RGS6: variants seen among roughly 807,000 people sequenced by gnomAD.
The protein encoded by RGS6 is regulator of G-protein signaling 6.
Under a neutral mutation model 78.5 loss-of-function variants are expected in RGS6, and 30 were observed. The observed-to-expected ratio is 0.38, with a 90% CI of 0.29 to 0.52. The LOEUF (loss-of-function observed/expected upper bound fraction) is 0.52, where lower values mean the gene tolerates loss of function less well. RGS6 is among the 20% of genes least tolerant of loss of function. RGS6 has a pLI of 0.85. For synonymous variants in RGS6, 206 were observed against 206.0 expected, an observed-to-expected ratio of 1.00 and a Z score of 0.00; for missense variants, 495 against 609.7, an observed-to-expected ratio of 0.81 and a Z score of 1.98.
intron 2 of RGS6, among the ~76,000 whole-genome samples, chr14:72,000,591 G>A (rs59631889): frequency 0.14 from 20,752 of 152,144 alleles, 1,677 homozygotes; most frequent in East Asian, 0.2. Context: ...GGAGAACCCA[G>A]GAGACAAAGG....
At chr14:72,162,871 A>G (rs1048282918) in intron 2 of RGS6, among the ~76,000 whole-genome samples, 3 of 152,188 alleles carry the variant, frequency 2.0e-5, no homozygotes, top group Admixed American at 1.3e-4. Flanking sequence ...ACACAGCCAT[A>G]AAAAGGAATG....
intron 2 of RGS6, among the ~76,000 whole-genome samples, chr14:72,254,332 A>G (rs1462221262): frequency 6.6e-6 from 1 of 152,206 alleles, no homozygotes; most frequent in Non-Finnish European, 1.5e-5. Context: ...GTGCAGGTTC[A>G]TTGAAGTCAT....
At chr14:72,447,790 C>T (rs2095403647) in intron 3 of RGS6, among the ~76,000 whole-genome samples, 1 of 152,152 alleles carries the variant, frequency 6.6e-6, no homozygotes, top group South Asian at 2.1e-4. Context: ...ACAACCTCCA[C>T]CTCGCGGGTT....
intron 2 of RGS6, among the ~76,000 whole-genome samples, chr14:72,012,902 A>G (rs1018051711): frequency 4.6e-5 from 7 of 152,212 alleles, no homozygotes; most frequent in Non-Finnish European, 1.0e-4. Context: ...TAAGCAAACA[A>G]TAAATTTTAG....
intron 2 of RGS6, among the ~76,000 whole-genome samples, chr14:72,289,464 G>A (rs1031708140): frequency 6.6e-6 from 1 of 152,026 alleles, no homozygotes; most frequent in African/African-American, 2.4e-5. Flanking sequence ...ACAGAATCAC[G>A]AAAGCCACGC....
rs111801382 is a variant in RGS6, at chr14:72,055,464, G to A, written c.84+90589G>A. ...AGTATCATGCCTGCTTAGTTTGATG[G>A]CACCCAAATTTTTCTCCCAGTTATC... On this transcript the variant is annotated intron_variant, in intron 2 of 17. Coordinates refer to ENST00000553525, the MANE Select transcript of RGS6 (RefSeq NM_001204424.2). 2.0e-3 allele frequency among the ~76,000 whole-genome samples: 297 copies of A among 152,210 alleles called. 1 individual carries two copies. The highest frequency in any genetic ancestry group is 3.4e-3 in the Middle Eastern group (1 of 294).
At chr14:72,628,633 CAA>C in the RGS6 span, among the ~76,000 whole-genome samples, 1 of 150,106 alleles carries the variant, frequency 6.7e-6, no homozygotes, top group African/African-American at 2.5e-5. Flanking sequence ...GTAGTCTTGC[CAA>C]AAGAGAGAGA....
the RGS6 span, among the ~76,000 whole-genome samples, chr14:72,593,976 C>A: frequency 1.3e-5 from 2 of 151,812 alleles, no homozygotes; most frequent in African/African-American, 4.8e-5. Context: ...GGGCGATTTT[C>A]CTAAAGCCTC....
At chr14:72,536,115 A>T (rs943223988) in intron 15 of RGS6, 71 bp from the exon 16 acceptor site, 7 of 1,170,414 alleles carry the variant, frequency 6.0e-6, no homozygotes, top group Non-Finnish European at 9.0e-6. Flanking sequence ...ACAGTGATCA[A>T]TTGGATTGTA....
At chr14:71,924,771 T>A in the RGS6 span, among the ~76,000 whole-genome samples, 1 of 152,252 alleles carries the variant, frequency 6.6e-6, no homozygotes, top group Non-Finnish European at 1.5e-5. Flanking sequence ...GGAATGTACA[T>A]GTCTATGTAT....
At chr14:72,154,164 A>G (rs969826714) in intron 2 of RGS6, among the ~76,000 whole-genome samples, 2 of 152,206 alleles carry the variant, frequency 1.3e-5, no homozygotes, top group Non-Finnish European at 1.5e-5. Flanking sequence ...CGGCAAGAAG[A>G]AAAATATGTC....
In RGS6 at chr14:72,236,655, C is replaced by T. The variant is rs558635622; in HGVS notation, c.85-115440C>T. On this transcript the variant is annotated intron_variant, in intron 2 of 17. Transcript: ENST00000553525. ...GTTGCACAGCGGCCGGGCAGAGGCG[C>T]TCCTCACATCCCAGACGGTGGAGGG... Among the ~76,000 whole-genome samples, 6 of 152,340 alleles carry T rather than the reference C, an allele frequency of 3.9e-5. No homozygotes were observed. The East Asian group carries it at 1.2e-3, about 29-fold the overall frequency.
the RGS6 span, among the ~76,000 whole-genome samples, chr14:71,902,742 T>G: frequency 3.7e-3 from 559 of 151,820 alleles, 4 homozygotes; most frequent in African/African-American, 0.013. Context: ...ATTTGAAAGA[T>G]TGTGTGGTAT....
At chr14:72,228,798 C>G (rs879123414) in intron 2 of RGS6, among the ~76,000 whole-genome samples, 1 of 152,224 alleles carries the variant, frequency 6.6e-6, no homozygotes, top group Non-Finnish European at 1.5e-5. Flanking sequence ...GTAATCCCAG[C>G]ACTTTGGGAG....
chr14:72,438,604 CCCAT>C (rs918518948), intron 3 of RGS6, among the ~76,000 whole-genome samples: 1 of 152,176 alleles, frequency 6.6e-6, no homozygotes, highest in Non-Finnish European at 1.5e-5. Flanking sequence ...ATGGGCAAGC[CCCAT>C]CCATCAGAGA....
intron 2 of RGS6, among the ~76,000 whole-genome samples, chr14:72,230,585 C>T (rs1443507370): frequency 3.3e-5 from 5 of 152,142 alleles, no homozygotes; most frequent in Non-Finnish European, 7.3e-5. Context: ...CGTACGTACA[C>T]ACACACAGAA....
chr14:71,974,730 A>T (rs1451408608), intron 2 of RGS6, among the ~76,000 whole-genome samples: 1 of 152,100 alleles, frequency 6.6e-6, no homozygotes, highest in Non-Finnish European at 1.5e-5. Flanking sequence ...CTCAAAAGTG[A>T]TTTTTTCCAT....
At chr14:72,581,259 C>T in the RGS6 span, among the ~76,000 whole-genome samples, 1 of 152,166 alleles carries the variant, frequency 6.6e-6, no homozygotes, top group Non-Finnish European at 1.5e-5. Context: ...GCTTGGGGTT[C>T]CTTGTCTTAC....
chr14:72,264,294 T>A (rs991337692), intron 2 of RGS6, among the ~76,000 whole-genome samples: 1 of 152,248 alleles, frequency 6.6e-6, no homozygotes, highest in Non-Finnish European at 1.5e-5. Context: ...AGAAACATTT[T>A]AACTTAAAGC....
Sources: gnomAD v4.1 joint callset for allele counts (sites outside exome capture counted in the v4.1 genomes callset) on GRCh38, gnomAD v4.1.1 for gene constraint, MANE v1.5 for transcripts, NCBI Gene and HGNC (gene_info 2026-07-23, HGNC 2026-07-21) for gene names.